Variants in EFHC2 observed in about 807,000 individuals in gnomAD.
The protein encoded by EFHC2 is EF-hand domain-containing family member C2.
EFHC2 carries 18 observed loss-of-function variants against 52.7 expected under a neutral mutation model. That is an observed-to-expected ratio of 0.34 (90% CI 0.24 to 0.51). The LOEUF (loss-of-function observed/expected upper bound fraction) is 0.51. EFHC2 is among the 20% of genes least tolerant of loss of function. The pLI, the probability that EFHC2 is intolerant of heterozygous loss-of-function variation, is 0.97. For missense variants in EFHC2, 513 were observed against 562.5 expected (o/e 0.91, Z 0.89); for synonymous variants, 203 against 204.1 (o/e 0.99, Z 0.04).
At chrX:44,320,143 A>G (rs1266540363) in intron 1 of EFHC2, among the ~76,000 whole-genome samples, 1 of 111,288 alleles carries the variant, frequency 9.0e-6, no homozygotes, top group Non-Finnish European at 1.9e-5. Context: ...GGGTTTCACC[A>G]TGTTGGCCAG....
At chrX:44,177,785 G>A (rs1247760372) in intron 12 of EFHC2, among the ~76,000 whole-genome samples, 1 of 110,232 alleles carries the variant, frequency 9.1e-6, no homozygotes, top group Non-Finnish European at 1.9e-5. Context: ...GTAAAAAGAC[G>A]ACATCTCAGA....
At chrX:44,153,694 C>T (rs150934116) in intron 14 of EFHC2, among the ~76,000 whole-genome samples, 1,186 of 111,693 alleles carry the variant, frequency 0.011, 5 homozygotes, top group East Asian at 0.021. Context: ...TGTCTATAAT[C>T]GGATTTACTT....
intron 11 of EFHC2, among the ~76,000 whole-genome samples, chrX:44,199,922 A>G (rs2036994074): frequency 8.9e-6 from 1 of 112,367 alleles, no homozygotes; most frequent in East Asian, 2.8e-4. Flanking sequence ...TAAAAGACAA[A>G]GAAAGGTTGA....
rs745401271 is a variant in EFHC2 at position 44,242,304 on chromosome X, A to C, written c.1112-15T>G. The C allele has an allele frequency of 2.8e-5, 33 of 1,195,318 alleles. No individual in the cohort carries two copies. Among genetic ancestry groups the C allele is most frequent in the Non-Finnish European group, 3.5e-5 (31 of 888,859 alleles). On this transcript the variant is annotated splice_polypyrimidine_tract_variant and intron_variant, in intron 7 of 14. Coordinates refer to ENST00000420999, the MANE Select transcript of EFHC2 (RefSeq NM_025184.4). ...GGTAAAGTTCTCTAGAACAAAACAA[A>C]GGCAAACAAAACATCAATATTTTTT...
chrX:44,244,678 A>T (rs1357363703), intron 7 of EFHC2, among the ~76,000 whole-genome samples: 1 of 111,944 alleles, frequency 8.9e-6, no homozygotes, highest in African/African-American at 3.2e-5. Context: ...GTGATTTTCT[A>T]TTCACCATCT....
intron 11 of EFHC2, among the ~76,000 whole-genome samples, chrX:44,202,093 G>A (rs1322073888): frequency 2.7e-5 from 3 of 111,996 alleles, no homozygotes; most frequent in Non-Finnish European, 3.8e-5. Context: ...ATTATTTATA[G>A]TTTATATAAT....
At chrX:44,159,777 C>G (rs1484695952) in intron 14 of EFHC2, among the ~76,000 whole-genome samples, 3 of 112,658 alleles carry the variant, frequency 2.7e-5, no homozygotes, top group African/African-American at 9.7e-5. Flanking sequence ...GGCCTAGAAC[C>G]ATTCTCTTGC....
In EFHC2 at chrX:44,245,667, T is replaced by C. The variant is rs189099569; in HGVS notation, c.1111+2605A>G. 1.1e-3 allele frequency among the ~76,000 whole-genome samples: 125 copies of C among 112,326 alleles called. 1 individual carries two copies. The highest frequency in any genetic ancestry group is 2.0e-3 in the Non-Finnish European group (105 of 53,210). ...GGAATCACCTTCTCCTTAGAATCCT[T>C]AAATGTATGAAGGAATCATCTTAAG... is the stretch of plus-strand genomic sequence containing the variant. On this transcript the variant is annotated intron_variant, in intron 7 of 14. Coordinates refer to ENST00000420999, the MANE Select transcript of EFHC2 (RefSeq NM_025184.4).
intron 2 of EFHC2, among the ~76,000 whole-genome samples, chrX:44,279,239 G>A (rs2037683588): frequency 8.9e-6 from 1 of 111,971 alleles, no homozygotes; most frequent in South Asian, 3.7e-4. Context: ...AGCTACTCAG[G>A]AGGCTGAGGC....
chrX:44,187,970 G>GTTTTT (rs11405024), intron 11 of EFHC2, among the ~76,000 whole-genome samples: 9 of 91,973 alleles, frequency 9.8e-5, no homozygotes, highest in Admixed American at 1.2e-4. Flanking sequence ...AAAAAAAAGT[G>GTTTTT]TTTTTTTTTT....
At chrX:44,313,095 C>CAAAAA (rs1276344069) in intron 1 of EFHC2, among the ~76,000 whole-genome samples, 2 of 50,011 alleles carry the variant, frequency 4.0e-5, no homozygotes, top group African/African-American at 1.2e-4. Flanking sequence ...ATGCAAACAG[C>CAAAAA]AAAAAAAAAA....
At chrX:44,248,546 A>G (rs2037417698) in intron 6 of EFHC2, 136 bp from the exon 7 acceptor site, 3 of 780,854 alleles carry the variant, frequency 3.8e-6, no homozygotes, top group African/African-American at 2.1e-5. Flanking sequence ...CAAATAAAAA[A>G]GCAACCAGTT....
Position 44,235,434 on chromosome X carries a change from T to G in EFHC2, c.1294A>C (p.Ser432Arg). The G allele has an allele frequency of 8.4e-7, 1 of 1,190,847 alleles. No individual in the cohort carries two copies. Among genetic ancestry groups the G allele is most frequent in the East Asian group, 3.0e-5 (1 of 33,391 alleles). Reference sequence around the variant, plus strand: ...TTTGCAAAAAAACGGAGTATATTGCTTTTGGAGCCATAGCTAAATGGAAGA... The same window carrying G: ...TTTGCAAAAAAACGGAGTATATTGCGTTTGGAGCCATAGCTAAATGGAAGA... Reference protein sequence around the residue: ...FMEKDSYGSKSNILRFFAKLV... With the variant: ...FMEKDSYGSKRNILRFFAKLV... Residue 432 changes from serine to arginine, a missense_variant, in exon 9 of 15, where the codon AGC becomes CGC. By Grantham distance (110) the Ser-to-Arg change is moderately radical (BLOSUM62 -1). Coordinates refer to ENST00000420999, the MANE Select transcript of EFHC2 (RefSeq NM_025184.4).
chrX:44,311,537 G>A (rs954435679), intron 2 of EFHC2, among the ~76,000 whole-genome samples: 9 of 112,166 alleles, frequency 8.0e-5, no homozygotes, highest in African/African-American at 2.9e-4. Flanking sequence ...ATTGGGCTGT[G>A]ATACAGGGCT....
At chrX:44,193,271 C>T (rs2036937381) in intron 11 of EFHC2, among the ~76,000 whole-genome samples, 1 of 86,733 alleles carries the variant, frequency 1.2e-5, no homozygotes, top group Non-Finnish European at 2.2e-5. Flanking sequence ...ATTGTCCCAC[C>T]TTCCTGGACC....
intron 13 of EFHC2, 53 bp downstream of exon 13, chrX:44,176,239 C>T: frequency 2.0e-6 from 2 of 985,214 alleles, no homozygotes; most frequent in Admixed American, 2.9e-5. Flanking sequence ...GGAATGGTCC[C>T]CCAAATAAAA....
chrX:44,309,046 C>A (rs1445043166), intron 2 of EFHC2, among the ~76,000 whole-genome samples: 1 of 112,771 alleles, frequency 8.9e-6, no homozygotes, highest in East Asian at 2.8e-4. Flanking sequence ...CTGTGCCAAG[C>A]TCACTAGAGG....
Position 44,235,458 on chromosome X carries a change from G to A in EFHC2, c.1281-11C>T. ...CTTTTGGAGCCATAGCTAAATGGAAGAGAAATGAGAGTTAGAGCATTATAC... is the reference window on the plus strand; with the variant it reads ...CTTTTGGAGCCATAGCTAAATGGAAAAGAAATGAGAGTTAGAGCATTATAC... On this transcript the variant is annotated splice_polypyrimidine_tract_variant and intron_variant, in intron 8 of 14. Coordinates refer to ENST00000420999, the MANE Select transcript of EFHC2 (RefSeq NM_025184.4). The A allele has an allele frequency of 8.5e-7, 1 of 1,176,340 alleles. No homozygotes were observed. Among genetic ancestry groups the A allele is most frequent in the Non-Finnish European group, 1.1e-6 (1 of 877,519 alleles).
chrX:44,197,289 G>GTTCA (rs762126012), intron 11 of EFHC2, among the ~76,000 whole-genome samples: 53 of 111,184 alleles, frequency 4.8e-4, no homozygotes, highest in East Asian at 8.5e-4. Context: ...ACCTTTGTTC[G>GTTCA]TTCATTCATT....
Sources: allele counts gnomAD v4.1 joint callset (sites outside exome capture counted in the v4.1 genomes callset), GRCh38; gene constraint gnomAD v4.1.1; transcripts MANE v1.5; gene names NCBI Gene and HGNC (gene_info 2026-07-23, HGNC 2026-07-21).